The following SEMA7A variants were observed in gnomAD, a reference collection of about 807,000 sequenced individuals.
The protein encoded by SEMA7A is semaphorin-7A.
Under a neutral mutation model 67.5 loss-of-function variants are expected in SEMA7A, and 21 were observed. That is an observed-to-expected ratio of 0.31 (90% CI 0.22 to 0.45). The LOEUF (loss-of-function observed/expected upper bound fraction) is 0.45, where lower values mean the gene tolerates loss of function less well. SEMA7A is among the 20% of genes least tolerant of loss of function. The pLI is 1.00. For synonymous variants in SEMA7A, 364 were observed against 368.5 expected (o/e 0.99, Z 0.14); for missense variants, 774 against 908.6 (o/e 0.85, Z 1.90).
At position 74,418,725 on chromosome 15, in the gene SEMA7A, T is replaced by C. The variant is rs1177269692; in HGVS notation, c.330+76A>G. On this transcript the variant is annotated intron_variant, in intron 2 of 13. Transcript: ENST00000261918. The stretch of plus-strand genomic sequence containing the variant: ...AGGAAGAGAAGCCAGCTCCCTCGGA[T>C]TCCCTGAGGACCCTTGGCAGGGCCA... The C allele has an allele frequency of 4.6e-6, 7 of 1,521,376 alleles. No homozygotes were observed. In the East Asian group the frequency reaches 1.6e-4, roughly 34 times the overall value. The allele number at this position is 1,521,376 out of a possible 1,614,324, so 94.2% of individuals were successfully genotyped here. A position where few individuals can be genotyped will look rare whatever the true frequency, so the allele number is the denominator to read the frequency against.
At chr15:74,419,020 C>T in intron 1 of SEMA7A, 68 bp from the exon 2 acceptor site, 11 of 1,538,892 alleles carry the variant, frequency 7.1e-6, no homozygotes, top group East Asian at 2.3e-5. Flanking sequence ...GGGTCCCCTC[C>T]ACATGGCACA....
rs1250611679 is a variant in SEMA7A, at chr15:74,423,064, A to G, written c.179-4112T>C. On this transcript the variant is annotated intron_variant, in intron 1 of 13. Coordinates refer to ENST00000261918, the MANE Select transcript of SEMA7A (RefSeq NM_003612.5). The surrounding 1 kb of genome is among the most constrained non-coding windows in gnomAD (Gnocchi z 4.1). Reference sequence around the variant, plus strand: ...GCCTTTTGAAAGTGGGCAGAGAGTCAGGCTCTGAAAATGGCAGGAATGTGG... The same window carrying G: ...GCCTTTTGAAAGTGGGCAGAGAGTCGGGCTCTGAAAATGGCAGGAATGTGG... 6.6e-6 allele frequency among the ~76,000 whole-genome samples: 1 copy of G among 152,256 alleles called. No individual in the cohort carries two copies. Among genetic ancestry groups the G allele is most frequent in the Non-Finnish European group, 1.5e-5 (1 of 68,038 alleles).
rs1567069017 is a variant in SEMA7A at position 74,410,972 on chromosome 15, C to T, written c.1653G>A (p.Leu551=). Residue 551 remains leucine, a synonymous_variant, in exon 14 of 14, where the codon CTG becomes CTA. Coordinates refer to ENST00000261918, the MANE Select transcript of SEMA7A (RefSeq NM_003612.5). This position sits in a 1 kb window ranked among gnomAD's most constrained non-coding sequence, Gnocchi z 7.5. The stretch of plus-strand genomic sequence containing the variant: ...AGTTTGGGGCCAGGGAAACCTTCTG[C>T]AGTGGGGCCTTGTCTGGGGAGGCAG... The part of the protein sequence containing the change: ...CPNPKPDKAP[L]QKVSLAPNSR... 6.2e-7 allele frequency: 1 copy of T among 1,612,670 alleles called. No individual in the cohort carries two copies. Among genetic ancestry groups the T allele is most frequent in the Admixed American group, 1.7e-5 (1 of 59,988 alleles).
chr15:74,433,670 T>G, intron 1 of SEMA7A, 71 bp downstream of exon 1: 2 of 1,352,888 alleles, frequency 1.5e-6, no homozygotes, highest in Non-Finnish European at 1.9e-6. Flanking sequence ...TCCCTCCGGG[T>G]GCAGCACACT....
Position 74,418,874 on chromosome 15 carries a change from G to C in SEMA7A, c.257C>G (p.Ser86Cys). The C allele has an allele frequency of 1.9e-6, 3 of 1,613,916 alleles. No homozygotes were observed. Among genetic ancestry groups the C allele is most frequent in the Non-Finnish European group, 2.5e-6 (3 of 1,180,022 alleles). The change falls in exon 2 of 14, where the codon TCT becomes TGT. Residue 86 changes from serine to cysteine, a missense_variant. This residue lies in a region of SEMA7A where 347 missense variants were observed against 353.2 expected (regional missense o/e 0.98). Transcript: ENST00000261918. ...TVLFHEPGSS[S>C]VWVGGRGKVY... is the part of the protein sequence containing the mutation. ...CTTGCCACGTCCTCCCACCCACACA[G>C]AGGAGCTGCCTGGCTCGTGGAAAAG... is the stretch of plus-strand genomic sequence containing the variant.
At chr15:74,416,514 C>A in intron 7 of SEMA7A, 61 bp downstream of exon 7, 1 of 1,545,050 alleles carries the variant, frequency 6.5e-7, no homozygotes, top group Non-Finnish European at 8.9e-7. Flanking sequence ...ACAGAACTCA[C>A]CCTCACTCAG....
chr15:74,427,463 G>A, intron 1 of SEMA7A: 1 of 847,578 alleles, frequency 1.2e-6, no homozygotes, highest in South Asian at 5.4e-5. Flanking sequence ...CAAGTAGCTG[G>A]GATTACAGGC....
rs1365501561 is a variant in SEMA7A, at chr15:74,423,173, G to A, written c.179-4221C>T. Among the ~76,000 whole-genome samples the A allele has an allele frequency of 6.6e-6, 1 of 152,256 alleles. No homozygotes were observed. Among genetic ancestry groups the A allele is most frequent in the Non-Finnish European group, 1.5e-5 (1 of 68,050 alleles). On this transcript the variant is annotated intron_variant, in intron 1 of 13. Transcript: ENST00000261918. This position sits in a 1 kb window ranked among gnomAD's most constrained non-coding sequence, Gnocchi z 4.1. ...GAAAGCAGGCCGACCTCAGGTTGGAGAGCCAGCACATCTGGCAGGAGCGTC... is the reference window on the plus strand; with the variant it reads ...GAAAGCAGGCCGACCTCAGGTTGGAAAGCCAGCACATCTGGCAGGAGCGTC...
chr15:74,415,246 G>T (rs1201568641), intron 8 of SEMA7A, among the ~76,000 whole-genome samples: 1 of 152,110 alleles, frequency 6.6e-6, no homozygotes, highest in Non-Finnish European at 1.5e-5. Context: ...GGCACAGGCT[G>T]TGGGGTGCTG....
At chr15:74,428,146 G>T (rs1226653255) in intron 1 of SEMA7A, among the ~76,000 whole-genome samples, 1 of 152,264 alleles carries the variant, frequency 6.6e-6, no homozygotes, top group Non-Finnish European at 1.5e-5. Context: ...ACCAGAAGAG[G>T]TATATGGAGC....
chr15:74,413,905 C>T (rs1363310816), intron 10 of SEMA7A, among the ~76,000 whole-genome samples: 2 of 152,134 alleles, frequency 1.3e-5, no homozygotes, highest in African/African-American at 2.4e-5. Flanking sequence ...TGGGAAGCTG[C>T]GACAAACCCA....
intron 1 of SEMA7A, among the ~76,000 whole-genome samples, chr15:74,420,594 T>G (rs2060992142): frequency 6.6e-6 from 1 of 151,894 alleles, no homozygotes; most frequent in South Asian, 2.1e-4. Flanking sequence ...GGCTGAGAGG[T>G]ACTGGCACTT....
Position 74,433,091 on chromosome 15 carries a change from G to A in SEMA7A, c.178+650C>T, listed in dbSNP as rs1048481123. ...GTGACAACTGCCACGTGCGGGCAAGGGGGGAGCGGCCGGTCCCGGCATTGC... is the reference window on the plus strand; with the variant it reads ...GTGACAACTGCCACGTGCGGGCAAGAGGGGAGCGGCCGGTCCCGGCATTGC... On this transcript the variant is annotated intron_variant, in intron 1 of 13. Transcript: ENST00000261918. Among the ~76,000 whole-genome samples, 17 of 152,272 alleles carry A rather than the reference G, an allele frequency of 1.1e-4. No homozygotes were observed. The East Asian group carries it at 1.5e-3, about 14-fold the overall frequency.
In SEMA7A at chr15:74,433,209, G is replaced by C. The variant is rs1178652619; in HGVS notation, c.178+532C>G. On this transcript the variant is annotated intron_variant, in intron 1 of 13. Transcript: ENST00000261918. ...CACCCCCTTGCCTGGCCCGAGCTCC[G>C]GGCCGGGGCGGGGGCGGGGGCAGGC... Among the ~76,000 whole-genome samples the C allele has an allele frequency of 2.7e-5, 4 of 148,658 alleles. No individual in the cohort carries two copies. The Admixed American group carries it at 2.8e-4, about 11-fold the overall frequency.
intron 1 of SEMA7A, among the ~76,000 whole-genome samples, chr15:74,433,221 GGGCGGGGGCAGGC>G (rs2061106126): frequency 6.6e-6 from 1 of 151,226 alleles, no homozygotes. Flanking sequence ...GCCGGGGCGG[GGGCGGGGGCAGGC>G]GGCGGGGTCT....
At position 74,409,830 on chromosome 15, in the gene SEMA7A, C is replaced by G. The variant is rs2060884147; in HGVS notation, c.*794G>C. On this transcript the variant is annotated 3_prime_UTR_variant, in exon 14 of 14. Transcript: ENST00000261918. ...CTCCCAGGGCAGAGCCAGCTCATGCCACTCTCCAAGAACCCATGCCCGTCT... is the reference window on the plus strand; with the variant it reads ...CTCCCAGGGCAGAGCCAGCTCATGCGACTCTCCAAGAACCCATGCCCGTCT... 6.7e-6 allele frequency: 1 copy of G among 150,348 alleles called. No homozygotes were observed. The highest frequency in any genetic ancestry group is 6.6e-5 in the Admixed American group (1 of 15,134). 9.3% of individuals were successfully genotyped at this position (150,348 alleles called of 1,614,324 possible).
chr15:74,416,623 CTT>C lies in SEMA7A; in HGVS notation c.751_752del (p.Lys251GlufsTer3). On this transcript the variant is annotated frameshift_variant, in exon 7 of 14. Coordinates refer to ENST00000261918, the MANE Select transcript of SEMA7A (RefSeq NM_003612.5). LOFTEE classifies it high-confidence loss of function. ...ACACATTGAGAGGAGCCTCAGGATTCTTGTCAGGATTGTCCTCTCGGAAGAAG... is the reference window on the plus strand; with the variant it reads ...ACACATTGAGAGGAGCCTCAGGATTCGTCAGGATTGTCCTCTCGGAAGAAG... ...YYFFREDNPD[K>X]NPEAPLNVSR... The C allele has an allele frequency of 6.2e-7, 1 of 1,614,134 alleles. No individual in the cohort carries two copies. The highest frequency in any genetic ancestry group is 8.5e-7 in the Non-Finnish European group (1 of 1,179,984).
Position 74,409,638 on chromosome 15 carries a change from G to A in SEMA7A, c.*986C>T, listed in dbSNP as rs2060882076. Reference sequence around the variant, plus strand: ...CCCGCCCCCCAACCCTCAACGCCAAGGGCAGAGTCCTGGAACCTCCCCCTG... The same window carrying A: ...CCCGCCCCCCAACCCTCAACGCCAAAGGCAGAGTCCTGGAACCTCCCCCTG... On this transcript the variant is annotated 3_prime_UTR_variant, in exon 14 of 14. Transcript: ENST00000261918. 7.8e-6 allele frequency: 1 copy of A among 127,450 alleles called. No homozygotes were observed. 7.9% of individuals were successfully genotyped at this position (127,450 alleles called of 1,614,324 possible).
intron 1 of SEMA7A, among the ~76,000 whole-genome samples, chr15:74,429,482 G>A (rs529961782): frequency 6.6e-6 from 1 of 152,386 alleles, no homozygotes; most frequent in Admixed American, 6.5e-5. Flanking sequence ...AGAAGACAGA[G>A]CTGAGGGACA....
Sources: gnomAD v4.1 joint callset for allele counts (sites outside exome capture counted in the v4.1 genomes callset) on GRCh38, gnomAD v4.1.1 for gene constraint, gnomAD v4.1.1 regional missense constraint, Gnocchi (gnomAD v3.1) non-coding constraint, MANE v1.5 for transcripts, NCBI Gene and HGNC (gene_info 2026-07-23, HGNC 2026-07-21) for gene names.